The following BAZ2B variants were observed in gnomAD, a reference collection of about 807,000 sequenced individuals.
The protein encoded by BAZ2B is bromodomain adjacent to zinc finger domain 2B, also known as bromodomain adjacent to zinc finger domain protein 2B.
Under a neutral mutation model 246.0 loss-of-function variants are expected in BAZ2B, and 91 were observed. The observed-to-expected ratio is 0.37, with a 90% CI of 0.31 to 0.44. The LOEUF is 0.44. Among genes scored for constraint, BAZ2B ranks in the 20% least tolerant of loss-of-function variants. The pLI, the probability that BAZ2B is intolerant of heterozygous loss-of-function variation, is 1.00. For synonymous variants in BAZ2B, 855 were observed against 860.0 expected, an observed-to-expected ratio of 0.99 and a Z score of 0.10; for missense variants, 2,332 against 2,533.7, an observed-to-expected ratio of 0.92 and a Z score of 1.71.
chr2:159,467,748 G>C (rs1194380437), intron 3 of BAZ2B, among the ~76,000 whole-genome samples: 1 of 141,250 alleles, frequency 7.1e-6, no homozygotes, highest in Non-Finnish European at 1.6e-5. Flanking sequence ...ACTAAAATTG[G>C]GCTTTAAAAA....
At chr2:159,565,295 C>G (rs1351496872) in intron 1 of BAZ2B, among the ~76,000 whole-genome samples, 1 of 152,176 alleles carries the variant, frequency 6.6e-6, no homozygotes, top group African/African-American at 2.4e-5. Context: ...ATGTGGACAA[C>G]TCTGACGGAG....
At chr2:159,571,145 C>T (rs142681805) in intron 1 of BAZ2B, among the ~76,000 whole-genome samples, 322 of 152,294 alleles carry the variant, frequency 2.1e-3, no homozygotes, top group African/African-American at 7.4e-3. Context: ...CGAGCCACCA[C>T]GCTCAGCCAG....
chr2:159,394,570 A>G (rs62171535), intron 20 of BAZ2B, among the ~76,000 whole-genome samples: 8,756 of 152,270 alleles, frequency 0.058, 350 homozygotes, highest in Middle Eastern at 0.14. Flanking sequence ...GATTGTTGTA[A>G]TATATGTTAC....
At chr2:159,711,434 GGAT>G in the BAZ2B span, among the ~76,000 whole-genome samples, 3 of 152,040 alleles carry the variant, frequency 2.0e-5, no homozygotes, top group Non-Finnish European at 2.9e-5. Context: ...AATAAAATAA[GGAT>G]GATAGTGACT....
intron 3 of BAZ2B, among the ~76,000 whole-genome samples, chr2:159,457,764 C>A (rs1559493410): frequency 1.3e-5 from 2 of 152,020 alleles, no homozygotes; most frequent in African/African-American, 4.8e-5. Flanking sequence ...ACTCCTTTAC[C>A]CTGTCTGTCT....
At chr2:159,331,746 G>C (rs565079726) in intron 34 of BAZ2B, among the ~76,000 whole-genome samples, 2 of 152,308 alleles carry the variant, frequency 1.3e-5, no homozygotes, top group African/African-American at 4.8e-5. Flanking sequence ...AGGTGCTAGA[G>C]AAATCAGAGA....
chr2:159,494,570 TAAG>T (rs1208921433), intron 2 of BAZ2B, among the ~76,000 whole-genome samples: 1 of 152,238 alleles, frequency 6.6e-6, no homozygotes, highest in Non-Finnish European at 1.5e-5. Flanking sequence ...TACAAAATTC[TAAG>T]AATTCCTCTA....
At chr2:159,521,675 A>G (rs1373408477) in intron 2 of BAZ2B, among the ~76,000 whole-genome samples, 1 of 152,086 alleles carries the variant, frequency 6.6e-6, no homozygotes, top group African/African-American at 2.4e-5. Flanking sequence ...ACTCTATATT[A>G]CAATGTATTG....
chr2:159,320,319 G>C lies in BAZ2B; in HGVS notation c.6453C>G (p.His2151Gln). 1 of 1,572,234 alleles carries C rather than the reference G, an allele frequency of 6.4e-7. No homozygotes were observed. The highest frequency in any genetic ancestry group is 8.6e-7 in the Non-Finnish European group (1 of 1,169,206). Reference protein sequence around the residue: ...EDDSDIGRAGHNMRKYFEKKW... With the variant: ...EDDSDIGRAGQNMRKYFEKKW... ...TTTTTTCAAAATACTTCCTCATATT[G>C]TGGCCAGCTCTGCCTATATCAGAAT... The change falls in exon 37 of 37, where the codon CAC (histidine) becomes CAG (glutamine). Residue 2151 changes from histidine to glutamine, a missense_variant. His to Gln is a conservative substitution (Grantham distance 24). Coordinates refer to ENST00000392783, the MANE Select transcript of BAZ2B (RefSeq NM_013450.4).
the BAZ2B span, among the ~76,000 whole-genome samples, chr2:159,645,138 G>A: frequency 5.8e-3 from 884 of 152,140 alleles, 12 homozygotes; most frequent in African/African-American, 0.021. Flanking sequence ...CAGGCATGGT[G>A]GCATGCACCT....
At chr2:159,609,439 A>G (rs943189403) in intron 1 of BAZ2B, among the ~76,000 whole-genome samples, 8 of 152,206 alleles carry the variant, frequency 5.3e-5, no homozygotes, top group African/African-American at 1.9e-4. Flanking sequence ...ATTAGATGAC[A>G]TTGTTTTAGA....
chr2:159,420,035 CA>C (rs1392112707), intron 13 of BAZ2B, among the ~76,000 whole-genome samples: 1 of 152,184 alleles, frequency 6.6e-6, no homozygotes, highest in Admixed American at 6.5e-5. Context: ...TCCTTATTAA[CA>C]AAACCCTAAT....
chr2:159,416,550 G>A (rs1423051409), intron 13 of BAZ2B, among the ~76,000 whole-genome samples: 1 of 152,120 alleles, frequency 6.6e-6, no homozygotes, highest in Non-Finnish European at 1.5e-5. Context: ...TCTGCATTTG[G>A]TTTTTAAAGT....
upstream of BAZ2B, among the ~76,000 whole-genome samples, chr2:159,617,503 G>GT (rs1390819582): frequency 6.6e-6 from 1 of 151,516 alleles, no homozygotes; most frequent in African/African-American, 2.4e-5. Context: ...TTGAGGTACC[G>GT]TTTTTTCCCT....
intron 3 of BAZ2B, among the ~76,000 whole-genome samples, chr2:159,472,958 T>A (rs1329954594): frequency 6.6e-6 from 1 of 152,226 alleles, no homozygotes; most frequent in African/African-American, 2.4e-5. Context: ...TTTTTTGTCG[T>A]GTCTCTGCCA....
intron 36 of BAZ2B, among the ~76,000 whole-genome samples, chr2:159,320,745 T>G (rs2062621691): frequency 6.6e-6 from 1 of 152,212 alleles, no homozygotes; most frequent in Non-Finnish European, 1.5e-5. Context: ...CCCACTTGAC[T>G]AGTTTATTAA....
At chr2:159,683,558 A>T in the BAZ2B span, among the ~76,000 whole-genome samples, 1 of 152,334 alleles carries the variant, frequency 6.6e-6, no homozygotes, top group Non-Finnish European at 1.5e-5. Flanking sequence ...GCTATAAAAA[A>T]TTGCCATAAA....
chr2:159,354,880 C>G (rs2058933705), intron 27 of BAZ2B, among the ~76,000 whole-genome samples: 1 of 152,048 alleles, frequency 6.6e-6, no homozygotes, highest in South Asian at 2.1e-4. Context: ...AATTAACTAC[C>G]CTGGCAGCAA....
At chr2:159,378,796 A>G (rs1184156562) in intron 25 of BAZ2B, among the ~76,000 whole-genome samples, 1 of 152,190 alleles carries the variant, frequency 6.6e-6, no homozygotes, top group Non-Finnish European at 1.5e-5. Flanking sequence ...AAAGAGAAAG[A>G]AAGAGACAGA....
Sources: gnomAD v4.1 joint callset for allele counts (sites outside exome capture counted in the v4.1 genomes callset) on GRCh38, gnomAD v4.1.1 for gene constraint, MANE v1.5 for transcripts, NCBI Gene and HGNC (gene_info 2026-07-23, HGNC 2026-07-21) for gene names.